PIEZO1: variants seen among roughly 807,000 people sequenced by gnomAD.
The protein encoded by PIEZO1 is piezo type mechanosensitive ion channel component 1 (Er blood group).
In PIEZO1, 296 loss-of-function variants were observed where a neutral mutation model predicts 297.2. The ratio of observed to expected loss-of-function variants is 1.00; its 90% confidence interval spans 0.91 to 1.10. The LOEUF (loss-of-function observed/expected upper bound fraction) is 1.10, where lower values mean the gene tolerates loss of function less well. PIEZO1 is among the 50% of genes least tolerant of loss of function. The pLI, the probability that PIEZO1 is intolerant of heterozygous loss-of-function variation, is 0.00. For missense variants in PIEZO1, 5,018 were observed against 3,455.5 expected (o/e 1.45, Z -11.34); for synonymous variants, 2,427 against 1,507.5 (o/e 1.61, Z -14.13).
intron 1 of PIEZO1, among the ~76,000 whole-genome samples, chr16:88,779,974 G>C (rs1026409853): frequency 6.6e-6 from 1 of 152,234 alleles, no homozygotes; most frequent in African/African-American, 2.4e-5. Context: ...AGAGACCTGA[G>C]ACTTGGAAGC....
intron 10 of PIEZO1, 181 bp from the exon 11 acceptor site, chr16:88,736,920 T>C (rs1905260288): frequency 8.0e-6 from 4 of 499,172 alleles, no homozygotes; most frequent in East Asian, 3.5e-5. Flanking sequence ...GCGTCAGGGA[T>C]GGCCCTGCCA....
At position 88,737,783 on chromosome 16, in the gene PIEZO1, C is replaced by T. The variant is rs370551429; in HGVS notation, c.1052G>A (p.Arg351Gln). The T allele has an allele frequency of 1.3e-5, 20 of 1,535,804 alleles. No individual in the cohort carries two copies. Among genetic ancestry groups the T allele is most frequent in the Middle Eastern group, 1.7e-4 (1 of 5,990 alleles). The change falls in exon 9 of 51, where the codon CGG becomes CAG. Residue 351 changes from arginine (R) to glutamine (Q), a missense_variant. Arg to Gln is a conservative substitution (Grantham distance 43). Coordinates refer to ENST00000301015, the MANE Select transcript of PIEZO1 (RefSeq NM_001142864.4). ...RKEAAKGYEARELELAELDQW... is the reference protein window; with the variant it reads ...RKEAAKGYEAQELELAELDQW... ...GTCCAGCTCTGCTAGCTCCAGCTCC[C>T]GAGCCTCATACCCCTTTGCCGCCTC...
In PIEZO1 at chr16:88,721,917, G is replaced by T. The variant is rs377701196; in HGVS notation, c.5105C>A (p.Thr1702Lys). ...YFIIILNHMV[T>K]ASAGSLVLPV... ...CAGCACCAGCGAGCCGGCGGAGGCC[G>T]TGACCATGTGGTTGAGGATGATGAT... Residue 1702 changes from threonine to lysine, a missense_variant, in exon 37 of 51, where the codon ACG (threonine) becomes AAG (lysine). Transcript: ENST00000301015. 1.3e-6 allele frequency: 2 copies of T among 1,550,196 alleles called. No homozygotes were observed. The highest frequency in any genetic ancestry group is 1.7e-6 in the Non-Finnish European group (2 of 1,146,830).
chr16:88,735,318 C>A (rs751110526), intron 12 of PIEZO1, 72 bp from the exon 13 acceptor site: 7 of 1,084,718 alleles, frequency 6.5e-6, no homozygotes, highest in Middle Eastern at 2.2e-4. Context: ...GGACCCAGCA[C>A]CCTCCTATAG....
rs753853807 is a variant in PIEZO1 at position 88,736,317 on chromosome 16, G to A, written c.1388C>T (p.Ala463Val). The change falls in exon 12 of 51, where the codon GCC (alanine) becomes GTC (valine). Residue 463 changes from alanine (A) to valine (V), a missense_variant. Ala to Val is a moderately conservative substitution (Grantham distance 64, BLOSUM62 0). Coordinates refer to ENST00000301015, the MANE Select transcript of PIEZO1 (RefSeq NM_001142864.4). ...CAGGATGCAGGGCGAGCACAGCATG[G>A]CCAGTTGGTGGCGGCTGCGCACCGT... ...IWTVRSRHQLAMLCSPCILLY... is the reference protein window; with the variant it reads ...IWTVRSRHQLVMLCSPCILLY... The A allele has an allele frequency of 5.2e-6, 8 of 1,550,092 alleles. No individual in the cohort carries two copies. Among genetic ancestry groups the A allele is most frequent in the South Asian group, 3.6e-5 (3 of 84,070 alleles).
chr16:88,742,771 G>C (rs557001150), intron 2 of PIEZO1: 1 of 347,802 alleles, frequency 2.9e-6, no homozygotes, highest in South Asian at 2.4e-5. Flanking sequence ...AGAGGAAATA[G>C]ACACAAGGAG....
At chr16:88,720,327 G>C in intron 41 of PIEZO1, 44 bp from the exon 42 acceptor site, 5 of 1,549,900 alleles carry the variant, frequency 3.2e-6, no homozygotes, top group Non-Finnish European at 4.4e-6. Context: ...AAGCCCAGGG[G>C]ATGTGGGTGG....
intron 1 of PIEZO1, among the ~76,000 whole-genome samples, chr16:88,766,385 G>C (rs1907181643): frequency 6.6e-6 from 1 of 152,212 alleles, no homozygotes; most frequent in African/African-American, 2.4e-5. Flanking sequence ...CTTCAGACGT[G>C]ACAGCCCCAC....
At position 88,722,998 on chromosome 16, in the gene PIEZO1, C is replaced by T. The variant is rs1248880892; in HGVS notation, c.4507G>A (p.Val1503Met). The change falls in exon 34 of 51, where the codon GTG becomes ATG. Residue 1503 changes from valine (V) to methionine (M), a missense_variant. Coordinates refer to ENST00000301015, the MANE Select transcript of PIEZO1 (RefSeq NM_001142864.4). The stretch of plus-strand genomic sequence containing the variant: ...GCCGTGCTCAGCACCCTCTGCACCA[C>T]ATGGCTCCGGCCTGCGGGAGGGCGG... Reference protein sequence around the residue: ...PEEAAAGRSHVVQRVLSTAQF... With the variant: ...PEEAAAGRSHMVQRVLSTAQF... 4 of 1,546,108 alleles carry T rather than the reference C, an allele frequency of 2.6e-6. No homozygotes were observed. The highest frequency in any genetic ancestry group is 2.6e-6 in the Non-Finnish European group (3 of 1,145,312).
At position 88,726,415 on chromosome 16, in the gene PIEZO1, A is replaced by G; in HGVS notation, c.3837T>C (p.Pro1279=). The change falls in exon 27 of 51, where the codon CCT becomes CCC. Residue 1279 remains proline (P), a synonymous_variant. Transcript: ENST00000301015. The part of the protein sequence containing the change: ...MMDRDQDCLL[P]VEEAGIIWDS... ...CCCAGATGATGCCAGCCTCCTCCAC[A>G]GGCAGCAGGCAGTCCTGGTCTCTGT... 1 of 1,550,482 alleles carries G rather than the reference A, an allele frequency of 6.4e-7. No individual in the cohort carries two copies. Among genetic ancestry groups the G allele is most frequent in the Non-Finnish European group, 8.7e-7 (1 of 1,146,904 alleles).
At chr16:88,717,746 A>G (rs533115344) in intron 44 of PIEZO1, 42 of 445,492 alleles carry the variant, frequency 9.4e-5, no homozygotes, top group African/African-American at 8.1e-4. Flanking sequence ...TTTAATTGAT[A>G]AGGTTCTAGC....
rs930735351 is a variant in PIEZO1, at chr16:88,738,263, G to A, written c.812C>T (p.Ala271Val). 55 of 1,535,770 alleles carry A rather than the reference G, an allele frequency of 3.6e-5. No homozygotes were observed. The highest frequency in any genetic ancestry group is 5.9e-5 in the Admixed American group (3 of 50,990). ...ICLYCYQMPL[A>V]QALLPPAGIW... is the part of the protein sequence containing the mutation. The stretch of plus-strand genomic sequence containing the variant: ...GCCGGCAGGCGGGAGCAGAGCCTGT[G>A]CCAAGGGCATCTGGTAGCAGTAGAG... Residue 271 changes from alanine (A) to valine (V), a missense_variant, in exon 7 of 51, where the codon GCA becomes GTA. Transcript: ENST00000301015.
chr16:88,738,584 T>G lies in PIEZO1; in HGVS notation c.618A>C (p.Thr206=). Residue 206 remains threonine (T), a synonymous_variant, in exon 6 of 51, where the codon ACA becomes ACC. Coordinates refer to ENST00000301015, the MANE Select transcript of PIEZO1 (RefSeq NM_001142864.4). ...GGTGCGTACCTGCCAGTGCAAGCAG[T>G]GTTACGGCCAGGACCCGCCCAGCCG... The part of the protein sequence containing the change: ...LVAAGRVLAV[T]LLALAGIAHP... The G allele has an allele frequency of 7.2e-6, 11 of 1,535,374 alleles. No individual in the cohort carries two copies. The highest frequency in any genetic ancestry group is 9.6e-6 in the Non-Finnish European group (11 of 1,146,596).
chr16:88,725,131 G>T (rs1408127501), intron 29 of PIEZO1, 51 bp from the exon 30 acceptor site: 2 of 1,319,576 alleles, frequency 1.5e-6, no homozygotes, highest in Admixed American at 5.5e-5. Context: ...ACCAGGAGGG[G>T]TCGGGGCTGT....
Position 88,738,087 on chromosome 16 carries a change from G to T in PIEZO1, c.867C>A (p.Asp289Glu). ...GIWARVLGLK[D>E]FVGPTNCSSP... ...TGGAGCAGTTGGTGGGACCCACGAA[G>T]TCCTTGAGACCCAGCACCCTGTCCA... The change falls in exon 8 of 51, where the codon GAC (aspartate) becomes GAA (glutamate). Residue 289 changes from aspartate (D) to glutamate (E), a missense_variant. Transcript: ENST00000301015. 6.5e-7 allele frequency: 1 copy of T among 1,535,838 alleles called. No individual in the cohort carries two copies. The highest frequency in any genetic ancestry group is 1.4e-5 in the African/African-American group (1 of 73,176).
rs970023010 is a variant in PIEZO1, at chr16:88,782,874, C to T, written c.64+2027G>A. The stretch of plus-strand genomic sequence containing the variant: ...GCAGGCAGGCAGGGTTCTTGGCCGG[C>T]TCCACTTCCATCTCCCCCAGGTGAC... On this transcript the variant is annotated intron_variant, in intron 1 of 50. Coordinates refer to ENST00000301015, the MANE Select transcript of PIEZO1 (RefSeq NM_001142864.4). 2.6e-5 allele frequency among the ~76,000 whole-genome samples: 4 copies of T among 152,156 alleles called. No individual in the cohort carries two copies. In the East Asian group the frequency reaches 7.7e-4, roughly 29 times the overall value.
At chr16:88,720,579 C>A (rs776850790) in intron 40 of PIEZO1, 37 bp downstream of exon 40, 1 of 1,543,378 alleles carries the variant, frequency 6.5e-7, no homozygotes, top group South Asian at 1.2e-5. Flanking sequence ...GCCTCCCCAC[C>A]CCCACTCCCC....
At chr16:88,729,903 C>T (rs1274015566) in intron 22 of PIEZO1, among the ~76,000 whole-genome samples, 1 of 152,242 alleles carries the variant, frequency 6.6e-6, no homozygotes, top group East Asian at 1.9e-4. Context: ...ACAGAGGGAA[C>T]CTCACGATAC....
At chr16:88,742,469 G>A (rs1266156304) in intron 2 of PIEZO1, 47 bp from the exon 3 acceptor site, 32 of 1,524,710 alleles carry the variant, frequency 2.1e-5, no homozygotes, top group Non-Finnish European at 2.7e-5. Flanking sequence ...ACGGGGAGGG[G>A]CCGCAGCCCA....
Sources: gnomAD v4.1 joint callset for allele counts (sites outside exome capture counted in the v4.1 genomes callset) on GRCh38, gnomAD v4.1.1 for gene constraint, MANE v1.5 for transcripts, NCBI Gene and HGNC (gene_info 2026-07-23, HGNC 2026-07-21) for gene names.